Variants in RFTN2 observed in about 807,000 individuals in gnomAD.
RFTN2 encodes raftlin family member 2.
Under a neutral mutation model 52.7 loss-of-function variants are expected in RFTN2, and 34 were observed. That is an observed-to-expected ratio of 0.64 (90% CI 0.49 to 0.86). The LOEUF (loss-of-function observed/expected upper bound fraction) is 0.86. Among genes scored for constraint, RFTN2 ranks in the 40% least tolerant of loss-of-function variants. RFTN2 has a pLI of 0.00. For synonymous variants in RFTN2, 203 were observed against 217.7 expected, an observed-to-expected ratio of 0.93 and a Z score of 0.59; for missense variants, 536 against 600.1, an observed-to-expected ratio of 0.89 and a Z score of 1.12.
At chr2:197,588,639 T>C (rs1354919015) in intron 8 of RFTN2, among the ~76,000 whole-genome samples, 1 of 152,244 alleles carries the variant, frequency 6.6e-6, no homozygotes, top group Non-Finnish European at 1.5e-5. Flanking sequence ...CAAATACTTG[T>C]GTGTAGGTTT....
intron 1 of RFTN2, among the ~76,000 whole-genome samples, chr2:197,668,052 C>T (rs964518875): frequency 1.3e-5 from 2 of 152,082 alleles, no homozygotes; most frequent in African/African-American, 2.4e-5. Flanking sequence ...GCAAGCAGTG[C>T]ACCCTGGTGT....
At chr2:197,637,788 ATG>A (rs895425169) in intron 3 of RFTN2, among the ~76,000 whole-genome samples, 2 of 151,090 alleles carry the variant, frequency 1.3e-5, no homozygotes, top group African/African-American at 2.4e-5. Flanking sequence ...TAGCTTTTGA[ATG>A]TGTTTGCTCT....
chr2:197,654,023 C>T (rs1434019823), intron 1 of RFTN2, among the ~76,000 whole-genome samples: 1 of 152,136 alleles, frequency 6.6e-6, no homozygotes, highest in East Asian at 1.9e-4. Context: ...CAAATAAATA[C>T]AATGAAAAGA....
chr2:197,674,354 A>AAG (rs2089187490), intron 1 of RFTN2, among the ~76,000 whole-genome samples: 2 of 150,046 alleles, frequency 1.3e-5, no homozygotes, highest in African/African-American at 2.4e-5. Flanking sequence ...AAAAAAAAAA[A>AAG]AAAAAAAAAG....
intron 1 of RFTN2, among the ~76,000 whole-genome samples, chr2:197,648,586 A>T (rs1380904248): frequency 6.6e-6 from 1 of 152,258 alleles, no homozygotes; most frequent in Admixed American, 6.5e-5. Context: ...CTAAGGAATG[A>T]AACATAACCT....
At chr2:197,642,962 T>TAAC (rs967541374) in intron 3 of RFTN2, among the ~76,000 whole-genome samples, 4 of 152,216 alleles carry the variant, frequency 2.6e-5, no homozygotes, top group Non-Finnish European at 5.9e-5. Context: ...CTATTTTCTT[T>TAAC]AACAACAACA....
Position 197,644,302 on chromosome 2 carries a change from G to A in RFTN2, c.324-30C>T, listed in dbSNP as rs2088717388. ...AACAGAGGGAATATGTTTATGGTTG[G>A]AGGCCAATTGCTGCTTTTCAGCTAA... On this transcript the variant is annotated intron_variant, in intron 2 of 8. Coordinates refer to ENST00000295049, the MANE Select transcript of RFTN2 (RefSeq NM_144629.3). 6 of 1,228,936 alleles carry A rather than the reference G, an allele frequency of 4.9e-6. No homozygotes were observed. The Admixed American group carries it at 8.5e-5, about 18-fold the overall frequency. 76.1% of individuals were successfully genotyped at this position (1,228,936 alleles called of 1,614,324 possible). A position where few individuals can be genotyped will look rare whatever the true frequency, so the allele number is the denominator to read the frequency against.
At chr2:197,668,942 T>C (rs2089102750) in intron 1 of RFTN2, among the ~76,000 whole-genome samples, 1 of 152,176 alleles carries the variant, frequency 6.6e-6, no homozygotes, top group African/African-American at 2.4e-5. Flanking sequence ...CACTTAACCT[T>C]TCCCCATACT....
At chr2:197,617,235 C>T (rs1424622542) in intron 6 of RFTN2, among the ~76,000 whole-genome samples, 2 of 152,182 alleles carry the variant, frequency 1.3e-5, no homozygotes, top group Non-Finnish European at 2.9e-5. Flanking sequence ...TAAAGAGAAG[C>T]TCAGTGCCAG....
chr2:197,573,303 T>G (rs2087350189), intron 8 of RFTN2, among the ~76,000 whole-genome samples: 1 of 152,170 alleles, frequency 6.6e-6, no homozygotes, highest in African/African-American at 2.4e-5. Flanking sequence ...CAGGTTGAGA[T>G]GATTTCAGAT....
chr2:197,650,846 T>C (rs2088816114), intron 1 of RFTN2, among the ~76,000 whole-genome samples: 1 of 152,210 alleles, frequency 6.6e-6, no homozygotes, highest in African/African-American at 2.4e-5. Context: ...ATTCTATTTA[T>C]AAGTTTTTGA....
At chr2:197,655,274 T>C (rs2088878941) in intron 1 of RFTN2, among the ~76,000 whole-genome samples, 1 of 152,204 alleles carries the variant, frequency 6.6e-6, no homozygotes, top group Non-Finnish European at 1.5e-5. Context: ...AAATACCTCG[T>C]TTCTGGTGAT....
intron 3 of RFTN2, among the ~76,000 whole-genome samples, chr2:197,634,492 T>C (rs1392774453): frequency 6.6e-6 from 1 of 152,056 alleles, no homozygotes; most frequent in Non-Finnish European, 1.5e-5. Flanking sequence ...GACGAATGTG[T>C]AGGTATAAAG....
chr2:197,600,888 T>G (rs976388954), intron 7 of RFTN2, among the ~76,000 whole-genome samples: 5 of 152,228 alleles, frequency 3.3e-5, no homozygotes, highest in Non-Finnish European at 2.9e-5. Flanking sequence ...AAAATATGCT[T>G]GATTTAGAGA....
At chr2:197,622,720 C>G (rs182235649) in intron 5 of RFTN2, among the ~76,000 whole-genome samples, 1 of 152,182 alleles carries the variant, frequency 6.6e-6, no homozygotes, top group Non-Finnish European at 1.5e-5. Flanking sequence ...TCGTAGGACA[C>G]GCTGACTCTC....
At chr2:197,623,846 T>C (rs2088307666) in intron 5 of RFTN2, among the ~76,000 whole-genome samples, 1 of 152,140 alleles carries the variant, frequency 6.6e-6, no homozygotes, top group Admixed American at 6.5e-5. Flanking sequence ...GTATTTTTAG[T>C]AGAGACAGGG....
intron 8 of RFTN2, among the ~76,000 whole-genome samples, chr2:197,592,273 A>G (rs1048492201): frequency 1.3e-5 from 2 of 152,300 alleles, no homozygotes; most frequent in Admixed American, 1.3e-4. Context: ...TCAGCTGAGC[A>G]CAACCTCTGC....
chr2:197,618,558 T>C (rs982139696), intron 5 of RFTN2, among the ~76,000 whole-genome samples: 3 of 150,542 alleles, frequency 2.0e-5, no homozygotes, highest in South Asian at 2.1e-4. Flanking sequence ...TCGTCTGGGA[T>C]GTGAGGAGCC....
chr2:197,592,150 A>G (rs568238662), intron 8 of RFTN2, among the ~76,000 whole-genome samples: 1 of 152,310 alleles, frequency 6.6e-6, no homozygotes, highest in South Asian at 2.1e-4. Flanking sequence ...GCTCAGTGAA[A>G]TTGGGTAGGA....
Sources: gnomAD v4.1 joint callset for allele counts (sites outside exome capture counted in the v4.1 genomes callset) on GRCh38, gnomAD v4.1.1 for gene constraint, MANE v1.5 for transcripts, NCBI Gene and HGNC (gene_info 2026-07-23, HGNC 2026-07-21) for gene names.